The following SCFD1 variants were observed in gnomAD, a reference collection of about 807,000 sequenced individuals.
SCFD1 encodes sec1 family domain containing 1, also known as sec1 family domain-containing protein 1.
Under a neutral mutation model 103.2 loss-of-function variants are expected in SCFD1, and 37 were observed. The observed-to-expected ratio is 0.36, with a 90% CI of 0.28 to 0.47. The LOEUF (loss-of-function observed/expected upper bound fraction) is 0.47. Among genes scored for constraint, SCFD1 ranks in the 20% least tolerant of loss-of-function variants. The pLI is 1.00. For synonymous variants in SCFD1, 264 were observed against 245.0 expected (o/e 1.08, Z -0.73); for missense variants, 639 against 761.2 (o/e 0.84, Z 1.89).
chr14:30,684,316 G>A (rs538908166), intron 14 of SCFD1, among the ~76,000 whole-genome samples: 32 of 152,280 alleles, frequency 2.1e-4, no homozygotes, highest in Middle Eastern at 6.8e-3. Flanking sequence ...CAACTTTAGC[G>A]TCAGATAGGT....
At chr14:30,664,523 C>T (rs1011663503) in intron 10 of SCFD1, among the ~76,000 whole-genome samples, 12 of 152,080 alleles carry the variant, frequency 7.9e-5, no homozygotes, top group South Asian at 4.1e-4. Context: ...TCGCCAGCAA[C>T]GGAACAAAGC....
intron 7 of SCFD1, among the ~76,000 whole-genome samples, chr14:30,644,330 C>T (rs566073444): frequency 3.9e-5 from 6 of 152,172 alleles, no homozygotes; most frequent in Admixed American, 3.3e-4. Context: ...GTGTCTTTTT[C>T]GTAGAATGAG....
chr14:30,668,312 T>G (rs1888206348), intron 10 of SCFD1, among the ~76,000 whole-genome samples: 1 of 152,162 alleles, frequency 6.6e-6, no homozygotes. Context: ...GGTTCCCTAT[T>G]TAATAAATGG....
At chr14:30,675,100 T>G in intron 14 of SCFD1, 35 bp downstream of exon 14, 1 of 1,160,746 alleles carries the variant, frequency 8.6e-7, no homozygotes, top group Non-Finnish European at 1.2e-6. Flanking sequence ...CAATATGACT[T>G]GCATTTACAT....
intron 14 of SCFD1, 29 bp downstream of exon 14, chr14:30,675,094 A>T (rs773285583): frequency 3.2e-6 from 4 of 1,246,666 alleles, no homozygotes; most frequent in Non-Finnish European, 3.4e-6. Context: ...CCCCCACAAT[A>T]TGACTTGCAT....
intron 3 of SCFD1, among the ~76,000 whole-genome samples, chr14:30,631,108 C>T (rs1402210237): frequency 6.6e-6 from 1 of 152,180 alleles, no homozygotes; most frequent in Non-Finnish European, 1.5e-5. Context: ...AATCCCAGTA[C>T]TTTGGGAGGC....
chr14:30,649,015 G>A (rs1339867142), intron 7 of SCFD1, among the ~76,000 whole-genome samples: 5 of 151,724 alleles, frequency 3.3e-5, no homozygotes, highest in Admixed American at 6.6e-5. Flanking sequence ...GCCCATAGGG[G>A]ATCAAAATAC....
rs1277103122 is a variant in SCFD1 at position 30,641,377 on chromosome 14, CAGTTTATGACTGTT to C, written c.523+1516_523+1529del. Among the ~76,000 whole-genome samples the C allele has an allele frequency of 8.5e-5, 13 of 152,228 alleles. No homozygotes were observed. In the East Asian group the frequency reaches 9.6e-4, roughly 11 times the overall value. Reference sequence around the variant, plus strand: ...ATCTCAAGTTGAGGTTATTGATTAGCAGTTTATGACTGTTAGGTCATAAACATAAAAGTTAGGGT... The same window carrying C: ...ATCTCAAGTTGAGGTTATTGATTAGCAGGTCATAAACATAAAAGTTAGGGT... On this transcript the variant is annotated intron_variant, in intron 6 of 24. Transcript: ENST00000458591.
chr14:30,658,707 T>G lies in SCFD1; in HGVS notation c.855+5119T>G, dbSNP rs542563584. Among the ~76,000 whole-genome samples the G allele has an allele frequency of 4.6e-5, 7 of 152,312 alleles. No individual in the cohort carries two copies. The South Asian group carries it at 1.2e-3, about 27-fold the overall frequency. On this transcript the variant is annotated intron_variant, in intron 10 of 24. Coordinates refer to ENST00000458591, the MANE Select transcript of SCFD1 (RefSeq NM_016106.4). ...CGCACCTAGCTAAGATTATAGCTAATGCACCTAGCTAAGGTTATAAGAGAA... is the reference window on the plus strand; with the variant it reads ...CGCACCTAGCTAAGATTATAGCTAAGGCACCTAGCTAAGGTTATAAGAGAA...
chr14:30,652,637 T>C (rs1886510605), intron 9 of SCFD1, among the ~76,000 whole-genome samples: 1 of 152,220 alleles, frequency 6.6e-6, no homozygotes, highest in Admixed American at 6.5e-5. Flanking sequence ...CATCAAAAAC[T>C]TCTGAGTAGA....
rs756651533 is a variant in SCFD1 at position 30,622,374 on chromosome 14, A to AGCC, written c.37_39dup (p.Ala13dup). 67 of 1,559,376 alleles carry AGCC rather than the reference A, an allele frequency of 4.3e-5. No individual in the cohort carries two copies. The African/African-American group carries it at 8.4e-4, about 20-fold the overall frequency. On this transcript the variant is annotated inframe_insertion, in exon 1 of 25. Coordinates refer to ENST00000458591, the MANE Select transcript of SCFD1 (RefSeq NM_016106.4). ...CGGCGGCAGCGACAGCAGCAGCAGCAGCCAGTATTCGGGAAAGGCAGACAG... is the reference window on the plus strand; with the variant it reads ...CGGCGGCAGCGACAGCAGCAGCAGCAGCCGCCAGTATTCGGGAAAGGCAGACAG...
intron 6 of SCFD1, among the ~76,000 whole-genome samples, chr14:30,640,876 A>G (rs533469483): frequency 6.6e-6 from 1 of 152,056 alleles, no homozygotes; most frequent in Non-Finnish European, 1.5e-5. Flanking sequence ...GAAAGATCAC[A>G]TGTTTGAGAT....
Position 30,656,740 on chromosome 14 carries a change from GA to G in SCFD1, c.855+3163del, listed in dbSNP as rs570007308. On this transcript the variant is annotated intron_variant, in intron 10 of 24. Transcript: ENST00000458591. ...GTGGTATGAGCTGTGAGAGGTTAAA[GA>G]AAAAAAAAAATCAGGTTCCCATTTG... 3.0e-3 allele frequency among the ~76,000 whole-genome samples: 443 copies of G among 145,524 alleles called. 2 individuals carry two copies. Among genetic ancestry groups the G allele is most frequent in the Admixed American group, 8.5e-3 (124 of 14,630 alleles).
At chr14:30,694,720 T>C in intron 14 of SCFD1, 53 bp from the exon 15 acceptor site, 7 of 1,526,308 alleles carry the variant, frequency 4.6e-6, no homozygotes, top group Non-Finnish European at 6.1e-6. Flanking sequence ...GAGTAGATCA[T>C]TATGTATTTT....
chr14:30,645,521 CTTG>C (rs1885729718), intron 7 of SCFD1, among the ~76,000 whole-genome samples: 1 of 152,022 alleles, frequency 6.6e-6, no homozygotes, highest in South Asian at 2.1e-4. Context: ...TTTCGTAATT[CTTG>C]TTGTAGAGCT....
intron 23 of SCFD1, among the ~76,000 whole-genome samples, chr14:30,731,088 C>A (rs1390575017): frequency 3.9e-5 from 6 of 152,156 alleles, no homozygotes; most frequent in Non-Finnish European, 8.8e-5. Context: ...GTTTTCCCAG[C>A]ACCATTTATT....
chr14:30,644,470 C>T (rs185245595), intron 7 of SCFD1, among the ~76,000 whole-genome samples: 2 of 152,134 alleles, frequency 1.3e-5, no homozygotes, highest in African/African-American at 2.4e-5. Context: ...CTACCAACAG[C>T]GTATAAGTGT....
chr14:30,674,504 T>G (rs1888848995), intron 13 of SCFD1, among the ~76,000 whole-genome samples: 1 of 151,914 alleles, frequency 6.6e-6, no homozygotes, highest in African/African-American at 2.4e-5. Flanking sequence ...ATAAATTAGC[T>G]GAGAGTGGTG....
intron 18 of SCFD1, among the ~76,000 whole-genome samples, chr14:30,706,409 G>A (rs1891473047): frequency 6.6e-6 from 1 of 151,444 alleles, no homozygotes; most frequent in African/African-American, 2.4e-5. Flanking sequence ...TTTTTCTTTG[G>A]GGTACTTTTC....
Sources: gnomAD v4.1 joint callset for allele counts (sites outside exome capture counted in the v4.1 genomes callset) on GRCh38, gnomAD v4.1.1 for gene constraint, MANE v1.5 for transcripts, NCBI Gene and HGNC (gene_info 2026-07-23, HGNC 2026-07-21) for gene names.